The following C3orf18 variants were observed in gnomAD, a reference collection of about 807,000 sequenced individuals.
The protein encoded by C3orf18 is uncharacterized protein C3orf18.
C3orf18 carries 12 observed loss-of-function variants against 14.1 expected under a neutral mutation model. The observed-to-expected ratio is 0.85, with a 90% CI of 0.55 to 1.38. C3orf18 has a LOEUF of 1.38. C3orf18 is among the 40% of genes most tolerant of loss of function. C3orf18 has a pLI of 0.00. For synonymous variants in C3orf18, 82 were observed against 87.9 expected, an observed-to-expected ratio of 0.93 and a Z score of 0.38; for missense variants, 196 against 213.9, an observed-to-expected ratio of 0.92 and a Z score of 0.52.
intron 3 of C3orf18, 165 bp from the exon 4 acceptor site, chr3:50,561,912 T>C (rs1389521391): frequency 8.7e-6 from 6 of 686,592 alleles, no homozygotes; most frequent in Non-Finnish European, 1.5e-5. Context: ...CTCTTTTTTT[T>C]TTTTTGAGAC....
chr3:50,565,529 G>A lies in C3orf18; in HGVS notation c.171C>T (p.Ala57=), dbSNP rs748912871. The A allele has an allele frequency of 1.4e-5, 23 of 1,614,016 alleles. No homozygotes were observed. The highest frequency in any genetic ancestry group is 1.8e-5 in the Non-Finnish European group (21 of 1,180,030). Residue 57 remains alanine, a synonymous_variant, in exon 3 of 6, where the codon GCC becomes GCT. Coordinates refer to ENST00000357203, the MANE Select transcript of C3orf18 (RefSeq NM_016210.5). This position sits in a 1 kb window ranked among gnomAD's most constrained non-coding sequence, Gnocchi z 4.4. ...TRIPDAAGGT[A]GVGTMLLSFG... is the part of the protein sequence containing the mutation. ...AGGACAGAAGCATGGTACCCACGCC[G>A]GCCGTGCCACCAGCTGCATCAGGGA...
In C3orf18 at chr3:50,559,323, C is replaced by G. The variant is rs1699830023; in HGVS notation, c.*334G>C. On this transcript the variant is annotated 3_prime_UTR_variant, in exon 6 of 6. Coordinates refer to ENST00000357203, the MANE Select transcript of C3orf18 (RefSeq NM_016210.5). Reference sequence around the variant, plus strand: ...CTCCCACTCCGTATCTCCCTCATTTCCTCCACATTAGCGGGGCAGACCCTG... The same window carrying G: ...CTCCCACTCCGTATCTCCCTCATTTGCTCCACATTAGCGGGGCAGACCCTG... 7.9e-7 allele frequency: 1 copy of G among 1,262,912 alleles called. No homozygotes were observed. The highest frequency in any genetic ancestry group is 1.5e-5 in the African/African-American group (1 of 65,258). The allele number at this position is 1,262,912 out of a possible 1,614,324, so 78.2% of individuals were successfully genotyped here. A position where few individuals can be genotyped will look rare whatever the true frequency, so the allele number is the denominator to read the frequency against.
chr3:50,562,429 C>T lies in C3orf18; in HGVS notation c.235-682G>A, dbSNP rs111667312. 5.1e-5 allele frequency: 23 copies of T among 454,264 alleles called. 2 individuals carry two copies. Among genetic ancestry groups the T allele is most frequent in the African/African-American group, 2.6e-4 (13 of 50,146 alleles). 28.1% of individuals were successfully genotyped at this position (454,264 alleles called of 1,614,324 possible). A position where few individuals can be genotyped will look rare whatever the true frequency, so the allele number is the denominator to read the frequency against. ...AAAACTTCAGCACATTCCCTCCCCT[C>T]AACTCTTCCCAGGCTCAAAGCCACA... On this transcript the variant is annotated intron_variant, in intron 3 of 5. Coordinates refer to ENST00000357203, the MANE Select transcript of C3orf18 (RefSeq NM_016210.5).
intron 3 of C3orf18, chr3:50,562,736 G>A: frequency 2.3e-5 from 8 of 351,122 alleles, no homozygotes; most frequent in Middle Eastern, 7.9e-4. Flanking sequence ...AGGGGTGGGG[G>A]ACTGGAGCCC....
At position 50,565,856 on chromosome 3, in the gene C3orf18, T is replaced by C. The variant is rs542323724; in HGVS notation, c.-157A>G. The C allele has an allele frequency of 5.8e-5, 35 of 605,340 alleles. 1 individual carries two copies. The South Asian group carries it at 6.7e-4, about 12-fold the overall frequency. 37.5% of individuals were successfully genotyped at this position (605,340 alleles called of 1,614,324 possible). A position where few individuals can be genotyped will look rare whatever the true frequency, so the allele number is the denominator to read the frequency against. On this transcript the variant is annotated 5_prime_UTR_variant, in exon 3 of 6. Transcript: ENST00000357203. The surrounding 1 kb of genome is among the most constrained non-coding windows in gnomAD (Gnocchi z 4.4). ...GGATAAAGGGAGCCCCCTGCCTTCC[T>C]GGGTGCTAGAAAGGAAAGAATAAGA... is the stretch of plus-strand genomic sequence containing the variant.
chr3:50,573,420 C>T (rs1701239897), upstream of C3orf18, among the ~76,000 whole-genome samples: 1 of 152,226 alleles, frequency 6.6e-6, no homozygotes, highest in Non-Finnish European at 1.5e-5. Flanking sequence ...CATTTGCTGT[C>T]TCCGGCTTCC....
At position 50,559,696 on chromosome 3, in the gene C3orf18, C is replaced by G; in HGVS notation, c.450G>C (p.Arg150=). 1 of 1,596,156 alleles carries G rather than the reference C, an allele frequency of 6.3e-7. No homozygotes were observed. Among genetic ancestry groups the G allele is most frequent in the Non-Finnish European group, 8.5e-7 (1 of 1,171,176 alleles). ...CATTGGCCACATCGGTAAACACCAG[C>G]CGGCTGGGTCTCTGCAGTGGGCCCT... ...PSQGPLQRPS[R]LVFTDVANAI... is the part of the protein sequence containing the mutation. The change falls in exon 6 of 6, where the codon CGG becomes CGC. Residue 150 remains arginine, a synonymous_variant. Coordinates refer to ENST00000357203, the MANE Select transcript of C3orf18 (RefSeq NM_016210.5).
chr3:50,566,788 G>A (rs935742441), intron 1 of C3orf18, among the ~76,000 whole-genome samples: 1 of 152,156 alleles, frequency 6.6e-6, no homozygotes, highest in African/African-American at 2.4e-5. Flanking sequence ...TCCCAGTGTG[G>A]GTGCCTTCTC....
In C3orf18 at chr3:50,559,527, G is replaced by A; in HGVS notation, c.*130C>T. Reference sequence around the variant, plus strand: ...AGCAGGTGGGTCTGGAGAACAGCTAGGACCTGGCTCAGCCCTCTTGTGTCT... The same window carrying A: ...AGCAGGTGGGTCTGGAGAACAGCTAAGACCTGGCTCAGCCCTCTTGTGTCT... On this transcript the variant is annotated 3_prime_UTR_variant, in exon 6 of 6. Transcript: ENST00000357203. 2.8e-6 allele frequency: 4 copies of A among 1,437,244 alleles called. No individual in the cohort carries two copies. Among genetic ancestry groups the A allele is most frequent in the Non-Finnish European group, 3.7e-6 (4 of 1,091,704 alleles). The allele number at this position is 1,437,244 out of a possible 1,614,324, so 89.0% of individuals were successfully genotyped here. A position where few individuals can be genotyped will look rare whatever the true frequency, so the allele number is the denominator to read the frequency against.
chr3:50,570,943 C>T (rs1700887198), upstream of C3orf18: 6 of 531,198 alleles, frequency 1.1e-5, no homozygotes, highest in Admixed American at 3.7e-5. Context: ...TGGCAACCAA[C>T]TATATCTGAG....
At position 50,559,233 on chromosome 3, in the gene C3orf18, C is replaced by A. The variant is rs2107252379; in HGVS notation, c.*424G>T. On this transcript the variant is annotated 3_prime_UTR_variant, in exon 6 of 6. Coordinates refer to ENST00000357203, the MANE Select transcript of C3orf18 (RefSeq NM_016210.5). ...TTTCCTCTCCCCACCCCAGAGGAGGCTCCAGATTCCAAAAAACAGGTCTCT... is the reference window on the plus strand; with the variant it reads ...TTTCCTCTCCCCACCCCAGAGGAGGATCCAGATTCCAAAAAACAGGTCTCT... The A allele has an allele frequency of 7.8e-6, 10 of 1,278,682 alleles. No individual in the cohort carries two copies. The highest frequency in any genetic ancestry group is 4.6e-4 in the Middle Eastern group (2 of 4,346). The allele number at this position is 1,278,682 out of a possible 1,614,324, so 79.2% of individuals were successfully genotyped here.
chr3:50,574,345 C>T (rs1258653139), upstream of C3orf18, among the ~76,000 whole-genome samples: 1 of 152,198 alleles, frequency 6.6e-6, no homozygotes, highest in East Asian at 1.9e-4. Context: ...CTACCCCTGC[C>T]CCAGGTGGCT....
At chr3:50,563,681 CAGTG>C (rs1700122290) in intron 3 of C3orf18, among the ~76,000 whole-genome samples, 1 of 152,182 alleles carries the variant, frequency 6.6e-6, no homozygotes, top group South Asian at 2.1e-4. Flanking sequence ...AAGCAGCACT[CAGTG>C]AGCACCTCTG....
chr3:50,568,247 G>C (rs1019975239), upstream of C3orf18, among the ~76,000 whole-genome samples: 4 of 152,132 alleles, frequency 2.6e-5, no homozygotes, highest in Non-Finnish European at 5.9e-5. Flanking sequence ...CCCGACCCAG[G>C]CAAGTCTACA....
chr3:50,570,491 C>T (rs1238244538), upstream of C3orf18: 2 of 152,268 alleles, frequency 1.3e-5, no homozygotes, highest in African/African-American at 4.8e-5. Flanking sequence ...CAGTTAAGAT[C>T]ATGTAACATC....
intron 4 of C3orf18, 24 bp from the exon 5 acceptor site, chr3:50,561,088 T>G: frequency 6.2e-7 from 1 of 1,611,484 alleles, no homozygotes; most frequent in Non-Finnish European, 8.5e-7. Context: ...CAAAGGCTGC[T>G]GGGGACAGGG....
At chr3:50,561,969 G>A (rs1468105633) in intron 3 of C3orf18, 10 of 608,216 alleles carry the variant, frequency 1.6e-5, no homozygotes, top group African/African-American at 3.7e-5. Flanking sequence ...GCACAATCTC[G>A]GCTCACTGCA....
At chr3:50,571,898 A>G, upstream of C3orf18, 1 of 1,316,098 alleles carries the variant, frequency 7.6e-7, no homozygotes. Flanking sequence ...AGAATGTCCA[A>G]GGACTAGGGA....
intron 3 of C3orf18, among the ~76,000 whole-genome samples, chr3:50,563,060 G>C (rs1204034980): frequency 3.9e-5 from 6 of 152,136 alleles, no homozygotes; most frequent in Non-Finnish European, 8.8e-5. Flanking sequence ...GCACAGCCCT[G>C]TGGTTTACCC....
Sources: gnomAD v4.1 joint callset for allele counts (sites outside exome capture counted in the v4.1 genomes callset) on GRCh38, gnomAD v4.1.1 for gene constraint, Gnocchi (gnomAD v3.1) non-coding constraint, MANE v1.5 for transcripts, NCBI Gene and HGNC (gene_info 2026-07-23, HGNC 2026-07-21) for gene names.